The following ITGA6 variants were observed in gnomAD, a reference collection of about 807,000 sequenced individuals.
The protein encoded by ITGA6 is integrin alpha-6.
A neutral mutation model predicts 133.6 loss-of-function variants in ITGA6; 63 were observed. That is an observed-to-expected ratio of 0.47 (90% CI 0.38 to 0.58). The LOEUF is 0.58. ITGA6 is among the 20% of genes least tolerant of loss of function. The pLI, the probability that ITGA6 is intolerant of heterozygous loss-of-function variation, is 0.00. For synonymous variants in ITGA6, 434 were observed against 482.0 expected (o/e 0.90, Z 1.30); for missense variants, 1,068 against 1,309.4 (o/e 0.82, Z 2.85).
At position 172,504,074 on chromosome 2, in the gene ITGA6, C is replaced by T; in HGVS notation, c.*23-17C>T. 6.5e-7 allele frequency: 1 copy of T among 1,549,616 alleles called. No homozygotes were observed. Among genetic ancestry groups the T allele is most frequent in the Non-Finnish European group, 8.7e-7 (1 of 1,149,050 alleles). On this transcript the variant is annotated splice_polypyrimidine_tract_variant and intron_variant, in intron 25 of 25. Transcript: ENST00000684293. ...GTGAGATTAATTTGTTTCTCTTTCT[C>T]TTTCCCTCTTCTCTAGTGTGGATTC...
chr2:172,489,911 T>C (rs576743031), intron 20 of ITGA6: 3 of 443,050 alleles, frequency 6.8e-6, no homozygotes, highest in Non-Finnish European at 1.2e-5. Flanking sequence ...TTCTGATGTT[T>C]CATCATGACC....
intron 5 of ITGA6, 123 bp from the exon 6 acceptor site, chr2:172,473,932 T>TTG: frequency 1.5e-6 from 1 of 651,346 alleles, no homozygotes; most frequent in South Asian, 1.9e-5. Context: ...TGATAGCTGG[T>TTG]GGGAGGGTCA....
chr2:172,477,838 C>T (rs1183296302), intron 9 of ITGA6, among the ~76,000 whole-genome samples: 1 of 152,166 alleles, frequency 6.6e-6, no homozygotes, highest in Non-Finnish European at 1.5e-5. Context: ...GAATGTAGCA[C>T]CTAAATCTTC....
Position 172,465,821 on chromosome 2 carries a change from TAC to T in ITGA6, c.307+159_307+160del, listed in dbSNP as rs56085203. 5.1e-3 allele frequency: 5,326 copies of T among 1,051,032 alleles called. 164 individuals are homozygous for T. The African/African-American group carries it at 0.073, about 14-fold the overall frequency. The allele number at this position is 1,051,032 out of a possible 1,614,324, so 65.1% of individuals were successfully genotyped here. A position where few individuals can be genotyped will look rare whatever the true frequency, so the allele number is the denominator to read the frequency against. ...TTTATTTGCCCTGAAAATATTTACT[TAC>T]TTTACTTCTGAATCATACTGGGATG... On this transcript the variant is annotated intron_variant, in intron 2 of 25. Coordinates refer to ENST00000684293, the MANE Select transcript of ITGA6 (RefSeq NM_000210.4).
intron 23 of ITGA6, among the ~76,000 whole-genome samples, chr2:172,492,874 C>T (rs1686979459): frequency 6.6e-6 from 1 of 152,078 alleles, no homozygotes; most frequent in Non-Finnish European, 1.5e-5. Flanking sequence ...TATAGCAGTC[C>T]TTACGATTTA....
chr2:172,472,416 G>C (rs1012618025), intron 5 of ITGA6, among the ~76,000 whole-genome samples: 1 of 152,226 alleles, frequency 6.6e-6, no homozygotes, highest in African/African-American at 2.4e-5. Context: ...AAGATGGATG[G>C]CTGTGGATTT....
At position 172,504,202 on chromosome 2, in the gene ITGA6, GA is replaced by G. The variant is rs201055917; in HGVS notation, c.*142del. 5 of 1,580,262 alleles carry G rather than the reference GA, an allele frequency of 3.2e-6. No homozygotes were observed. Among genetic ancestry groups the G allele is most frequent in the Non-Finnish European group, 2.6e-6 (3 of 1,162,488 alleles). On this transcript the variant is annotated 3_prime_UTR_variant, in exon 26 of 26. Coordinates refer to ENST00000684293, the MANE Select transcript of ITGA6 (RefSeq NM_000210.4). Reference sequence around the variant, plus strand: ...AGATGAAAAGTATATTGATAACCTTGAAAAAAAACAGTGGATCACAAAGTGG... The same window carrying G: ...AGATGAAAAGTATATTGATAACCTTGAAAAAAACAGTGGATCACAAAGTGG...
chr2:172,490,359 G>A (rs1369752402), intron 20 of ITGA6, among the ~76,000 whole-genome samples: 1 of 152,030 alleles, frequency 6.6e-6, no homozygotes, highest in Non-Finnish European at 1.5e-5. Flanking sequence ...TTAGATAACT[G>A]GCCTATCATT....
chr2:172,475,198 T>C (rs56143433), intron 7 of ITGA6, 76 bp downstream of exon 7: 39,121 of 1,034,340 alleles, frequency 0.038, 911 homozygotes, highest in Middle Eastern at 0.046. Flanking sequence ...CTGGGCACAG[T>C]GGCTCACGCC....
At chr2:172,501,514 C>A (rs1687345067) in intron 24 of ITGA6, among the ~76,000 whole-genome samples, 1 of 152,156 alleles carries the variant, frequency 6.6e-6, no homozygotes, top group Non-Finnish European at 1.5e-5. Flanking sequence ...TTTTTGTCCA[C>A]AAGATTTCTG....
chr2:172,484,002 G>T (rs965630941), intron 11 of ITGA6, among the ~76,000 whole-genome samples: 1 of 152,112 alleles, frequency 6.6e-6, no homozygotes, highest in African/African-American at 2.4e-5. Context: ...GTAGAGACAG[G>T]ATTTCACCAT....
intron 15 of ITGA6, 32 bp downstream of exon 15, chr2:172,487,485 A>G (rs1251102791): frequency 5.0e-6 from 8 of 1,608,108 alleles, no homozygotes; most frequent in Non-Finnish European, 6.8e-6. Context: ...CTGAGAGGGG[A>G]AAAAAATCAA....
rs1263966026 is a variant in ITGA6, at chr2:172,485,265, G to A, written c.1854+1G>A. The A allele has an allele frequency of 6.2e-7, 1 of 1,613,876 alleles. No homozygotes were observed. Among genetic ancestry groups the A allele is most frequent in the South Asian group, 1.1e-5 (1 of 91,076 alleles). ...TGAACCCAAGACAGCTCATATTGAT[G>A]TAAGTCTCTCTGACTTTCATTTTGC... On this transcript the variant is annotated splice_donor_variant, in intron 13 of 25. Transcript: ENST00000684293. LOFTEE classifies it high-confidence loss of function.
chr2:172,504,337 A>C lies in ITGA6; in HGVS notation c.*269A>C. On this transcript the variant is annotated 3_prime_UTR_variant, in exon 26 of 26. Coordinates refer to ENST00000684293, the MANE Select transcript of ITGA6 (RefSeq NM_000210.4). ...TCAATTTGGATTTAAAAGCCTGCTCAATCCCTGAGGACTGATTTCAGAGTG... is the reference window on the plus strand; with the variant it reads ...TCAATTTGGATTTAAAAGCCTGCTCCATCCCTGAGGACTGATTTCAGAGTG... 1 of 1,031,416 alleles carries C rather than the reference A, an allele frequency of 9.7e-7. No individual in the cohort carries two copies. The highest frequency in any genetic ancestry group is 1.4e-6 in the Non-Finnish European group (1 of 711,058). 63.9% of individuals were successfully genotyped at this position (1,031,416 alleles called of 1,614,324 possible).
chr2:172,496,058 A>G (rs940715319), intron 23 of ITGA6, among the ~76,000 whole-genome samples: 3 of 152,250 alleles, frequency 2.0e-5, no homozygotes, highest in African/African-American at 7.2e-5. Context: ...ATAATAGGGC[A>G]ACAAAGTTAA....
chr2:172,501,786 G>A lies in ITGA6; in HGVS notation c.3129G>A (p.Lys1043=), dbSNP rs759917448. The change falls in exon 25 of 26, where the codon AAG becomes AAA. Residue 1043 remains lysine (K), a synonymous_variant. Coordinates refer to ENST00000684293, the MANE Select transcript of ITGA6 (RefSeq NM_000210.4). ...VFILWKCGFF[K]RNKKDHYDAT... ...CTTCCTTGTAGTGTGGTTTCTTCAA[G>A]AGAAATAAGAAAGATCATTATGATG... is the stretch of plus-strand genomic sequence containing the variant. 1 of 1,612,592 alleles carries A rather than the reference G, an allele frequency of 6.2e-7. No individual in the cohort carries two copies.
At chr2:172,490,362 C>T (rs527749235) in intron 20 of ITGA6, among the ~76,000 whole-genome samples, 36 of 152,274 alleles carry the variant, frequency 2.4e-4, no homozygotes, top group African/African-American at 8.2e-4. Context: ...GATAACTGGC[C>T]TATCATTTGT....
chr2:172,489,479 T>C lies in ITGA6; in HGVS notation c.2506-6T>C, dbSNP rs1686830792. Reference sequence around the variant, plus strand: ...GACTGAGATAATATGTATTATTTTCTAACAGGTAATAAACTTAGGTAAACC... The same window carrying C: ...GACTGAGATAATATGTATTATTTTCCAACAGGTAATAAACTTAGGTAAACC... On this transcript the variant is annotated splice_polypyrimidine_tract_variant and splice_region_variant and intron_variant, in intron 19 of 25. Coordinates refer to ENST00000684293, the MANE Select transcript of ITGA6 (RefSeq NM_000210.4). 6.2e-7 allele frequency: 1 copy of C among 1,604,854 alleles called. No homozygotes were observed. The highest frequency in any genetic ancestry group is 8.5e-7 in the Non-Finnish European group (1 of 1,171,530).
At chr2:172,443,240 A>G (rs1368420398) in intron 1 of ITGA6, among the ~76,000 whole-genome samples, 1 of 152,154 alleles carries the variant, frequency 6.6e-6, no homozygotes, top group Admixed American at 6.5e-5. Context: ...TGCCTGTTCA[A>G]TCTTGTAAAT....
Sources: allele counts gnomAD v4.1 joint callset (sites outside exome capture counted in the v4.1 genomes callset), GRCh38; gene constraint gnomAD v4.1.1; transcripts MANE v1.5; gene names NCBI Gene and HGNC (gene_info 2026-07-23, HGNC 2026-07-21).